STK32B: variants seen among roughly 807,000 people sequenced by gnomAD.
The protein encoded by STK32B is serine/threonine kinase 32B.
STK32B carries 43 observed loss-of-function variants against 52.6 expected under a neutral mutation model. The observed-to-expected ratio is 0.82, with a 90% CI of 0.64 to 1.05. The LOEUF (loss-of-function observed/expected upper bound fraction) is 1.05. Ranked by LOEUF, STK32B falls within the 50% of genes least tolerant of loss-of-function variation. The pLI is 0.00. For missense variants in STK32B, 621 were observed against 534.6 expected (o/e 1.16, Z -1.59); for synonymous variants, 238 against 204.3 (o/e 1.17, Z -1.41).
the STK32B span, among the ~76,000 whole-genome samples, chr4:5,030,854 TAAGAAA>T: frequency 6.6e-6 from 1 of 152,058 alleles, no homozygotes; most frequent in Non-Finnish European, 1.5e-5. Flanking sequence ...TAGGTTCTCC[TAAGAAA>T]AAGAATGTGT....
upstream of STK32B, among the ~76,000 whole-genome samples, chr4:5,049,706 A>G (rs1187356523): frequency 6.6e-6 from 1 of 151,654 alleles, no homozygotes; most frequent in Non-Finnish European, 1.5e-5. Context: ...CACAGGGGTT[A>G]TGATGGCTTA....
At chr4:5,409,319 G>A (rs195114) in intron 5 of STK32B, among the ~76,000 whole-genome samples, 117,207 of 151,962 alleles carry the variant, frequency 0.77, 45,498 homozygotes, top group Middle Eastern at 0.92. Context: ...CCAGCATGGT[G>A]CCTCCTGGAG....
intron 11 of STK32B, among the ~76,000 whole-genome samples, chr4:5,490,920 T>G (rs1719675543): frequency 6.6e-6 from 1 of 152,248 alleles, no homozygotes. Flanking sequence ...TTTTTATGGC[T>G]GCATAGTATT....
chr4:5,398,187 T>C lies in STK32B; in HGVS notation c.435-20T>C. The C allele has an allele frequency of 6.2e-7, 1 of 1,613,880 alleles. No individual in the cohort carries two copies. Among genetic ancestry groups the C allele is most frequent in the Admixed American group, 1.7e-5 (1 of 59,982 alleles). ...TGGGCTCAGGAACCACATTGCCAGC[T>C]TCTTTGTTTTCTTTTACAGAGACAT... On this transcript the variant is annotated intron_variant, in intron 4 of 11. Coordinates refer to ENST00000282908, the MANE Select transcript of STK32B (RefSeq NM_018401.3). This position sits in a 1 kb window ranked among gnomAD's most constrained non-coding sequence, Gnocchi z 4.9.
intron 4 of STK32B, among the ~76,000 whole-genome samples, chr4:5,344,835 C>G (rs1366390070): frequency 6.6e-6 from 1 of 152,024 alleles, no homozygotes; most frequent in African/African-American, 2.4e-5. Flanking sequence ...AGTGCTGTGG[C>G]TTACACTTGG....
intron 5 of STK32B, among the ~76,000 whole-genome samples, chr4:5,401,753 A>C (rs767862469): frequency 6.6e-6 from 1 of 152,250 alleles, no homozygotes; most frequent in Non-Finnish European, 1.5e-5. Flanking sequence ...GGGGGGAAGC[A>C]ATTGTATTGA....
In STK32B at chr4:5,484,412, T is replaced by C. The variant is rs375419983; in HGVS notation, c.1107-14533T>C. Among the ~76,000 whole-genome samples, 70 of 152,158 alleles carry C rather than the reference T, an allele frequency of 4.6e-4. 1 individual carries two copies. In the Middle Eastern group the frequency reaches 0.014, roughly 30 times the overall value. ...TTTATCAGAGACTAGGATTGCAACC[T>C]CTGCCTTTTTTTGTTTTCCATTTGC... On this transcript the variant is annotated intron_variant, in intron 11 of 11. Coordinates refer to ENST00000282908, the MANE Select transcript of STK32B (RefSeq NM_018401.3).
chr4:5,477,735 A>G (rs1317999694), intron 11 of STK32B, among the ~76,000 whole-genome samples: 2 of 152,124 alleles, frequency 1.3e-5, no homozygotes, highest in East Asian at 1.9e-4. Context: ...CTCCAGCCTG[A>G]TGGTAGCACG....
intron 1 of STK32B, among the ~76,000 whole-genome samples, chr4:5,125,293 C>T (rs930601471): frequency 2.6e-5 from 4 of 152,188 alleles, no homozygotes; most frequent in South Asian, 2.1e-4. Flanking sequence ...TTAGTAAATG[C>T]GTGTTGCTGA....
chr4:5,458,122 A>G (rs773782682), intron 8 of STK32B, among the ~76,000 whole-genome samples: 1 of 152,186 alleles, frequency 6.6e-6, no homozygotes, highest in Non-Finnish European at 1.5e-5. Context: ...GGCTCCACCC[A>G]GACCTGAATC....
intron 2 of STK32B, among the ~76,000 whole-genome samples, chr4:5,161,279 A>T (rs559710991): frequency 2.5e-4 from 38 of 152,318 alleles, no homozygotes; most frequent in African/African-American, 8.7e-4. Context: ...GTGCTGTGAA[A>T]AGTCATAATT....
intron 4 of STK32B, among the ~76,000 whole-genome samples, chr4:5,372,500 A>G (rs576513998): frequency 3.3e-5 from 5 of 152,278 alleles, no homozygotes; most frequent in East Asian, 3.9e-4. Context: ...GGCCATTACT[A>G]TTCAATATTA....
intron 1 of STK32B, among the ~76,000 whole-genome samples, chr4:5,065,199 A>G (rs2108762138): frequency 6.6e-6 from 1 of 152,320 alleles, no homozygotes; most frequent in Middle Eastern, 3.4e-3. Context: ...CAAAAAGGGA[A>G]AATGTAATTC....
At chr4:5,109,234 A>T (rs1283985466) in intron 1 of STK32B, among the ~76,000 whole-genome samples, 3 of 152,192 alleles carry the variant, frequency 2.0e-5, no homozygotes, top group Non-Finnish European at 4.4e-5. Flanking sequence ...CATTTTTCTA[A>T]TGAGAAAACT....
chr4:5,114,369 A>G (rs1447503289), intron 1 of STK32B, among the ~76,000 whole-genome samples: 1 of 151,944 alleles, frequency 6.6e-6, no homozygotes, highest in Non-Finnish European at 1.5e-5. Context: ...ATTTCCTCCC[A>G]TAAAACATCT....
At chr4:5,127,925 A>C (rs181888261) in intron 1 of STK32B, among the ~76,000 whole-genome samples, 9 of 152,292 alleles carry the variant, frequency 5.9e-5, no homozygotes, top group African/African-American at 2.2e-4. Flanking sequence ...GAGTTCCCCT[A>C]CACGAGCTCT....
intron 8 of STK32B, among the ~76,000 whole-genome samples, chr4:5,459,772 T>C (rs1044731587): frequency 6.6e-6 from 1 of 152,190 alleles, no homozygotes; most frequent in East Asian, 1.9e-4. Flanking sequence ...TCTTTCTATT[T>C]GTAATTGGAT....
At chr4:5,253,923 T>A (rs1376438950) in intron 3 of STK32B, among the ~76,000 whole-genome samples, 1 of 152,114 alleles carries the variant, frequency 6.6e-6, no homozygotes, top group African/African-American at 2.4e-5. Flanking sequence ...TAGGAACTGC[T>A]CAAAAAATTA....
intron 3 of STK32B, among the ~76,000 whole-genome samples, chr4:5,307,829 GTGGT>G (rs149350625): frequency 0.014 from 1,724 of 121,950 alleles, 21 homozygotes; most frequent in South Asian, 0.059. Context: ...CTCTTTTGAT[GTGGT>G]GCTTTCCCCT....
Sources: gnomAD v4.1 joint callset for allele counts (sites outside exome capture counted in the v4.1 genomes callset) on GRCh38, gnomAD v4.1.1 for gene constraint, Gnocchi (gnomAD v3.1) non-coding constraint, MANE v1.5 for transcripts, NCBI Gene and HGNC (gene_info 2026-07-23, HGNC 2026-07-21) for gene names.